PDE9A: variants seen among roughly 807,000 people sequenced by gnomAD.
PDE9A encodes high affinity cGMP-specific 3',5'-cyclic phosphodiesterase 9A.
A neutral mutation model predicts 87.4 loss-of-function variants in PDE9A; 60 were observed. The observed-to-expected ratio is 0.69, with a 90% confidence interval of 0.56 to 0.85. PDE9A has a LOEUF of 0.85. Ranked by LOEUF, PDE9A falls within the 40% of genes least tolerant of loss-of-function variation. PDE9A has a pLI of 0.00. For missense variants in PDE9A, 665 were observed against 779.0 expected, an observed-to-expected ratio of 0.85 and a Z score of 1.74; for synonymous variants, 272 against 279.4, an observed-to-expected ratio of 0.97 and a Z score of 0.27.
chr21:42,749,014 T>A (rs80353610), intron 8 of PDE9A, among the ~76,000 whole-genome samples: 1,720 of 152,356 alleles, frequency 0.011, 30 homozygotes, highest in African/African-American at 0.039. Context: ...TGTGCTGGTT[T>A]AAACCGCTTC....
At chr21:42,744,791 G>T (rs1350482644) in intron 8 of PDE9A, among the ~76,000 whole-genome samples, 1 of 152,232 alleles carries the variant, frequency 6.6e-6, no homozygotes, top group African/African-American at 2.4e-5. Flanking sequence ...CCAAACTGGG[G>T]ATGGAAATGC....
At chr21:42,690,891 C>A (rs1346568850) in intron 3 of PDE9A, among the ~76,000 whole-genome samples, 1 of 152,186 alleles carries the variant, frequency 6.6e-6, no homozygotes, top group Non-Finnish European at 1.5e-5. Context: ...CCGCTAGGTG[C>A]CAGCCCAGCC....
chr21:42,656,424 G>A lies in PDE9A; in HGVS notation c.69+2541G>A, dbSNP rs550905106. 2.0e-5 allele frequency among the ~76,000 whole-genome samples: 3 copies of A among 152,344 alleles called. No individual in the cohort carries two copies. In the South Asian group the frequency reaches 6.2e-4, roughly 32 times the overall value. ...AAGGAGGGAACATTAGAAACTGGGG[G>A]TTCTGCCGAGTTCTGTGCTCCGGCA... On this transcript the variant is annotated intron_variant, in intron 1 of 19. Transcript: ENST00000291539.
At chr21:42,751,568 G>A (rs1215362960) in intron 9 of PDE9A, among the ~76,000 whole-genome samples, 1 of 152,160 alleles carries the variant, frequency 6.6e-6, no homozygotes, top group Non-Finnish European at 1.5e-5. Flanking sequence ...GCAATTCTTA[G>A]TTGTCCTGGC....
chr21:42,725,077 G>A (rs1459817063), intron 4 of PDE9A, among the ~76,000 whole-genome samples: 3 of 152,168 alleles, frequency 2.0e-5, no homozygotes, highest in Non-Finnish European at 4.4e-5. Context: ...CTAGCACAAT[G>A]TCACAGCCTG....
intron 4 of PDE9A, among the ~76,000 whole-genome samples, chr21:42,716,850 A>G (rs1055874894): frequency 2.9e-5 from 4 of 139,192 alleles, no homozygotes; most frequent in Admixed American, 7.7e-5. Context: ...TCCTAGGTTC[A>G]AGCGATTCTC....
intron 1 of PDE9A, among the ~76,000 whole-genome samples, chr21:42,662,815 GCA>G (rs201142557): frequency 0.073 from 6,904 of 94,384 alleles, 464 homozygotes; most frequent in African/African-American, 0.22. Context: ...CCACACACAC[GCA>G]CACACACGCA....
At chr21:42,732,164 C>CA (rs1384371139) in intron 6 of PDE9A, 40 bp downstream of exon 6, 1 of 1,582,100 alleles carries the variant, frequency 6.3e-7, no homozygotes, top group African/African-American at 1.3e-5. Context: ...CAGAGATGGG[C>CA]ACATCTTTCT....
Position 42,723,355 on chromosome 21 carries a change from C to T in PDE9A, c.263-8415C>T, listed in dbSNP as rs961898456. ...TGCCAGCCCCGGCCAGCATTCCCTG[C>T]ATGTGCTTATCAAGTGAGGAGGCCA... On this transcript the variant is annotated intron_variant, in intron 4 of 19. Coordinates refer to ENST00000291539, the MANE Select transcript of PDE9A (RefSeq NM_002606.3). This position sits in a 1 kb window ranked among gnomAD's most constrained non-coding sequence, Gnocchi z 4.3. Among the ~76,000 whole-genome samples, 2 of 152,260 alleles carry T rather than the reference C, an allele frequency of 1.3e-5. No homozygotes were observed. Among genetic ancestry groups the T allele is most frequent in the African/African-American group, 2.4e-5 (1 of 41,470 alleles).
intron 4 of PDE9A, among the ~76,000 whole-genome samples, chr21:42,726,042 T>C (rs948053441): frequency 1.3e-5 from 2 of 152,208 alleles, no homozygotes; most frequent in Non-Finnish European, 2.9e-5. Flanking sequence ...TCACTGTGGT[T>C]GTAACTGGCA....
In PDE9A at chr21:42,711,950, G is replaced by A. The variant is rs146937330; in HGVS notation, c.262+12939G>A. Among the ~76,000 whole-genome samples the A allele has an allele frequency of 7.1e-3, 1,083 of 152,120 alleles. 12 individuals are homozygous for A. Among genetic ancestry groups the A allele is most frequent in the African/African-American group, 0.025 (1,019 of 41,512 alleles). ...CTCACACCAACACCACACTGGCTAC[G>A]TTACTGTGCCCTGGAATCAGGTACT... On this transcript the variant is annotated intron_variant, in intron 4 of 19. Coordinates refer to ENST00000291539, the MANE Select transcript of PDE9A (RefSeq NM_002606.3).
intron 6 of PDE9A, among the ~76,000 whole-genome samples, chr21:42,732,973 G>A (rs986553057): frequency 6.6e-6 from 1 of 152,216 alleles, no homozygotes; most frequent in Non-Finnish European, 1.5e-5. Flanking sequence ...GGAGCCTCCA[G>A]AGAGCACAAC....
chr21:42,681,685 CCAGT>C (rs1288761264), intron 1 of PDE9A, among the ~76,000 whole-genome samples: 10 of 152,172 alleles, frequency 6.6e-5, no homozygotes, highest in Non-Finnish European at 1.5e-4. Context: ...CACAGCACTG[CCAGT>C]CAAACCACAC....
At position 42,702,571 on chromosome 21, in the gene PDE9A, G is replaced by T. The variant is rs2048465796; in HGVS notation, c.262+3560G>T. ...GGAATGCACGCTGGTTCATCATCTG[G>T]TTTTGTTTCTCCCAGTTAAGAGTGT... On this transcript the variant is annotated intron_variant, in intron 4 of 19. Coordinates refer to ENST00000291539, the MANE Select transcript of PDE9A (RefSeq NM_002606.3). This position sits in a 1 kb window ranked among gnomAD's most constrained non-coding sequence, Gnocchi z 4.9. Among the ~76,000 whole-genome samples, 1 of 152,138 alleles carries T rather than the reference G, an allele frequency of 6.6e-6. No individual in the cohort carries two copies. The highest frequency in any genetic ancestry group is 2.4e-5 in the African/African-American group (1 of 41,442).
Position 42,727,077 on chromosome 21 carries a change from CAAAAAA to C in PDE9A, c.263-4675_263-4670del, listed in dbSNP as rs34249348. Among the ~76,000 whole-genome samples the C allele has an allele frequency of 9.9e-4, 81 of 81,682 alleles. 2 individuals carry two copies. Among genetic ancestry groups the C allele is most frequent in the African/African-American group, 3.6e-3 (75 of 20,578 alleles). 53.6% of individuals were successfully genotyped at this position (81,682 alleles called of 152,430 possible). A position where few individuals can be genotyped will look rare whatever the true frequency, so the allele number is the denominator to read the frequency against. Reference sequence around the variant, plus strand: ...AATGTTAGAATAATCTCTATTTCTACAAAAAAAAAAAAAAAAAAAAAAAGTCTTGCT... The same window carrying C: ...AATGTTAGAATAATCTCTATTTCTACAAAAAAAAAAAAAAAAAGTCTTGCT... On this transcript the variant is annotated intron_variant, in intron 4 of 19. Coordinates refer to ENST00000291539, the MANE Select transcript of PDE9A (RefSeq NM_002606.3).
chr21:42,775,051 C>G (rs1298740688), intron 19 of PDE9A, among the ~76,000 whole-genome samples: 2 of 151,532 alleles, frequency 1.3e-5, no homozygotes, highest in Non-Finnish European at 2.9e-5. Flanking sequence ...AAGCAATTCT[C>G]CTGTCTCAGC....
Position 42,699,172 on chromosome 21 carries a change from A to G in PDE9A, c.262+161A>G. On this transcript the variant is annotated intron_variant, in intron 4 of 19. Coordinates refer to ENST00000291539, the MANE Select transcript of PDE9A (RefSeq NM_002606.3). ...TAACTATATGTTAGTTAAGCATTTG[A>G]ATCTGCATTTGAAGCCGATACAACT... The G allele has an allele frequency of 5.1e-6, 3 of 586,026 alleles. 1 individual carries two copies. The highest frequency in any genetic ancestry group is 9.1e-6 in the Non-Finnish European group (3 of 328,030). The allele number at this position is 586,026 out of a possible 1,614,324, so 36.3% of individuals were successfully genotyped here.
At chr21:42,656,210 G>T (rs1232568283) in intron 1 of PDE9A, among the ~76,000 whole-genome samples, 1 of 152,190 alleles carries the variant, frequency 6.6e-6, no homozygotes. Context: ...CTAGGAGGGA[G>T]CCCTGGGGGT....
chr21:42,680,710 T>A (rs1036536420), intron 1 of PDE9A, among the ~76,000 whole-genome samples: 3 of 152,178 alleles, frequency 2.0e-5, no homozygotes, highest in African/African-American at 7.2e-5. Flanking sequence ...TCACTGCTGA[T>A]CAACCCCAAC....
Sources: gnomAD v4.1 joint callset for allele counts (sites outside exome capture counted in the v4.1 genomes callset) on GRCh38, gnomAD v4.1.1 for gene constraint, Gnocchi (gnomAD v3.1) non-coding constraint, MANE v1.5 for transcripts, NCBI Gene and HGNC (gene_info 2026-07-23, HGNC 2026-07-21) for gene names.